The following HPSE2 variants were observed in gnomAD, a reference collection of about 807,000 sequenced individuals.
HPSE2 encodes the protein inactive heparanase-2.
In HPSE2, 38 loss-of-function variants were observed where a neutral mutation model predicts 60.5. The ratio of observed to expected loss-of-function variants is 0.63; its 90% CI spans 0.48 to 0.82. The LOEUF is 0.82. Ranked by LOEUF, HPSE2 falls within the 40% of genes least tolerant of loss-of-function variation. The pLI is 0.00. For synonymous variants in HPSE2, 295 were observed against 293.2 expected, an observed-to-expected ratio of 1.01 and a Z score of -0.06; for missense variants, 713 against 740.4, an observed-to-expected ratio of 0.96 and a Z score of 0.43.
chr10:99,014,887 C>T (rs1323777037), intron 3 of HPSE2, among the ~76,000 whole-genome samples: 1 of 152,150 alleles, frequency 6.6e-6, no homozygotes, highest in Non-Finnish European at 1.5e-5. Flanking sequence ...AACAGCCAAC[C>T]TACAGAATGG....
the HPSE2 span, among the ~76,000 whole-genome samples, chr10:99,270,220 G>C: frequency 2.0e-5 from 3 of 152,080 alleles, no homozygotes; most frequent in Admixed American, 6.6e-5. Flanking sequence ...AAAATTGATA[G>C]AACATTAGCA....
Position 98,721,742 on chromosome 10 carries a change from G to C in HPSE2, c.871C>G (p.Gln291Glu). ...KDYIQLKSLL[Q>E]PIRIYSRASL... ...GCTCTGGAATAAATCCGGATGGGCT[G>C]CAACAGGCTCTTCAGCTGGATGTAA... The change falls in exon 5 of 12, where the codon CAG becomes GAG. Residue 291 changes from glutamine to glutamate, a missense_variant. Gln to Glu is a conservative substitution (Grantham distance 29). Coordinates refer to ENST00000370552, the MANE Select transcript of HPSE2 (RefSeq NM_021828.5). 2 of 1,613,636 alleles carry C rather than the reference G, an allele frequency of 1.2e-6. No homozygotes were observed. Among genetic ancestry groups the C allele is most frequent in the Non-Finnish European group, 1.7e-6 (2 of 1,179,858 alleles).
At chr10:98,721,472 C>T (rs1948921044) in intron 5 of HPSE2, among the ~76,000 whole-genome samples, 185 bp downstream of exon 5, 1 of 151,928 alleles carries the variant, frequency 6.6e-6, no homozygotes, top group South Asian at 2.1e-4. Context: ...CTATGGAAGG[C>T]CTAGAAAGAT....
intron 3 of HPSE2, among the ~76,000 whole-genome samples, chr10:98,999,368 C>T (rs544505478): frequency 1.3e-5 from 2 of 152,210 alleles, no homozygotes; most frequent in South Asian, 2.1e-4. Flanking sequence ...GAAGAGCTTA[C>T]GTGTGCCTAT....
At chr10:98,526,064 C>T (rs952874044) in intron 9 of HPSE2, among the ~76,000 whole-genome samples, 2 of 152,156 alleles carry the variant, frequency 1.3e-5, no homozygotes, top group African/African-American at 4.8e-5. Context: ...GCCATCATCC[C>T]ATACACAAAA....
chr10:98,801,068 A>C (rs1950895483), intron 3 of HPSE2, among the ~76,000 whole-genome samples: 2 of 152,250 alleles, frequency 1.3e-5, no homozygotes, highest in Admixed American at 1.3e-4. Context: ...ATGCAAATCA[A>C]TCAATGTGAT....
At chr10:99,140,287 G>A (rs990328552) in intron 3 of HPSE2, among the ~76,000 whole-genome samples, 2 of 152,166 alleles carry the variant, frequency 1.3e-5, no homozygotes, top group Non-Finnish European at 2.9e-5. Flanking sequence ...ATGACTGAAT[G>A]AAGAGGTAGA....
intron 9 of HPSE2, among the ~76,000 whole-genome samples, chr10:98,517,218 G>T (rs1942632449): frequency 6.6e-6 from 1 of 151,550 alleles, no homozygotes; most frequent in Admixed American, 6.6e-5. Flanking sequence ...CGAGGCGAGG[G>T]GGTGCATTGC....
chr10:98,796,553 C>T (rs1023273099), intron 3 of HPSE2, among the ~76,000 whole-genome samples: 4 of 152,164 alleles, frequency 2.6e-5, no homozygotes, highest in African/African-American at 4.8e-5. Context: ...CTCCAATCCC[C>T]GGCTCCAAGA....
At chr10:98,987,346 G>A (rs1438548139) in intron 3 of HPSE2, among the ~76,000 whole-genome samples, 1 of 151,416 alleles carries the variant, frequency 6.6e-6, no homozygotes, top group Admixed American at 6.6e-5. Context: ...TTCAACACAA[G>A]CAAATCAATA....
At chr10:99,131,493 A>G (rs940804416) in intron 3 of HPSE2, among the ~76,000 whole-genome samples, 11 of 151,694 alleles carry the variant, frequency 7.3e-5, no homozygotes, top group South Asian at 4.1e-4. Context: ...ATATATGTGT[A>G]TATATATATA....
intron 3 of HPSE2, among the ~76,000 whole-genome samples, chr10:98,936,069 C>T (rs575473185): frequency 6.9e-6 from 1 of 144,494 alleles, no homozygotes; most frequent in South Asian, 2.1e-4. Flanking sequence ...GAATTCTGCC[C>T]AGTCCAAACC....
chr10:98,788,861 G>A (rs1252316), intron 3 of HPSE2, among the ~76,000 whole-genome samples: 126,296 of 150,578 alleles, frequency 0.84, 53,245 homozygotes, highest in African/African-American at 0.9. Context: ...CCCTAGTGAG[G>A]TGAACCCGGT....
At chr10:98,741,673 G>A (rs879406485) in intron 4 of HPSE2, among the ~76,000 whole-genome samples, 33 of 152,172 alleles carry the variant, frequency 2.2e-4, no homozygotes, top group South Asian at 8.3e-4. Context: ...TGCTTTGGGC[G>A]TATCTATTAT....
Position 99,217,879 on chromosome 10 carries a change from C to A in HPSE2, c.448+14469G>T, listed in dbSNP as rs889261678. On this transcript the variant is annotated intron_variant, in intron 2 of 11. Transcript: ENST00000370552. ...GGGACTTCAGATGTGAGCCACTGTGCCTGCCCCCAATATTTTTTAAAGCTC... is the reference window on the plus strand; with the variant it reads ...GGGACTTCAGATGTGAGCCACTGTGACTGCCCCCAATATTTTTTAAAGCTC... 6.6e-5 allele frequency among the ~76,000 whole-genome samples: 10 copies of A among 152,128 alleles called. No homozygotes were observed. The East Asian group carries it at 1.9e-3, about 30-fold the overall frequency.
chr10:99,072,088 ATTGTT>A (rs1240450334), intron 3 of HPSE2, among the ~76,000 whole-genome samples: 1 of 151,680 alleles, frequency 6.6e-6, no homozygotes, highest in Non-Finnish European at 1.5e-5. Flanking sequence ...GGATTTAAGA[ATTGTT>A]TTGTCTATTT....
chr10:98,963,883 G>T (rs1955746646), intron 3 of HPSE2, among the ~76,000 whole-genome samples: 1 of 152,048 alleles, frequency 6.6e-6, no homozygotes, highest in African/African-American at 2.4e-5. Context: ...AGGAAACAAA[G>T]ATCAAGATAA....
chr10:98,979,752 AAAT>A (rs1564707488), intron 3 of HPSE2, among the ~76,000 whole-genome samples: 1 of 152,202 alleles, frequency 6.6e-6, no homozygotes, highest in Non-Finnish European at 1.5e-5. Flanking sequence ...AATAGAAAGG[AAAT>A]AAATCATTTC....
intron 6 of HPSE2, among the ~76,000 whole-genome samples, chr10:98,658,869 C>T (rs1170534449): frequency 6.7e-6 from 1 of 150,276 alleles, no homozygotes; most frequent in African/African-American, 2.4e-5. Context: ...TGATTTACAT[C>T]GTTGTGGTTT....
Sources: gnomAD v4.1 joint callset for allele counts (sites outside exome capture counted in the v4.1 genomes callset) on GRCh38, gnomAD v4.1.1 for gene constraint, MANE v1.5 for transcripts, NCBI Gene and HGNC (gene_info 2026-07-23, HGNC 2026-07-21) for gene names.